Variants in MTRR observed in about 807,000 individuals in gnomAD.
MTRR encodes the protein 5-methyltetrahydrofolate-homocysteine methyltransferase reductase, also known as methionine synthase reductase.
A neutral mutation model predicts 79.2 loss-of-function variants in MTRR; 63 were observed. That is an observed-to-expected ratio of 0.80 (90% CI 0.65 to 0.98). MTRR has a LOEUF of 0.98. MTRR is among the 50% of genes least tolerant of loss of function. The probability of loss-of-function intolerance (pLI) is 0.00; values close to 1 mark genes in which losing one functional copy is unlikely to be tolerated. For synonymous variants in MTRR, 355 were observed against 313.3 expected, an observed-to-expected ratio of 1.13 and a Z score of -1.41; for missense variants, 895 against 839.6, an observed-to-expected ratio of 1.07 and a Z score of -0.82.
intron 8 of MTRR, among the ~76,000 whole-genome samples, chr5:7,887,555 T>C (rs1442301296): frequency 6.8e-6 from 1 of 147,918 alleles, no homozygotes; most frequent in Non-Finnish European, 1.5e-5. Flanking sequence ...TATATTTATA[T>C]ATATATAGAT....
chr5:7,883,142 T>G lies in MTRR; in HGVS notation c.781-13T>G. 3 of 1,614,166 alleles carry G rather than the reference T, an allele frequency of 1.9e-6. No homozygotes were observed. Among genetic ancestry groups the G allele is most frequent in the Non-Finnish European group, 2.5e-6 (3 of 1,180,012 alleles). On this transcript the variant is annotated splice_polypyrimidine_tract_variant and intron_variant, in intron 5 of 14. Transcript: ENST00000440940. Reference sequence around the variant, plus strand: ...AAAATTGCACTTACGTTTTGTCACATTTGTTTTTCAAGGAGGAAAGCCAAG... The same window carrying G: ...AAAATTGCACTTACGTTTTGTCACAGTTGTTTTTCAAGGAGGAAAGCCAAG...
intron 1 of MTRR, among the ~76,000 whole-genome samples, chr5:7,854,329 GTA>G (rs774221346): frequency 6.6e-6 from 1 of 151,176 alleles, no homozygotes; most frequent in African/African-American, 2.4e-5. Context: ...CTAATAGGAT[GTA>G]TATATATATC....
intron 8 of MTRR, among the ~76,000 whole-genome samples, chr5:7,888,236 G>T (rs564455683): frequency 6.6e-6 from 1 of 152,178 alleles, no homozygotes; most frequent in African/African-American, 2.4e-5. Context: ...ATTTTAAATT[G>T]TAGTAATGTT....
intron 11 of MTRR, among the ~76,000 whole-genome samples, chr5:7,894,509 A>T (rs1738170344): frequency 6.6e-6 from 1 of 152,216 alleles, no homozygotes; most frequent in Admixed American, 6.5e-5. Flanking sequence ...AGAGCCCCAG[A>T]ACGTAGAAAG....
chr5:7,869,500 A>G (rs1407129746), intron 1 of MTRR: 6 of 447,936 alleles, frequency 1.3e-5, no homozygotes, highest in African/African-American at 2.1e-5. Flanking sequence ...CTTTGGTTCT[A>G]GGCGCTTTCC....
intron 7 of MTRR, 34 bp downstream of exon 7, chr5:7,885,888 G>T (rs144287921): frequency 7.0e-4 from 1,123 of 1,613,776 alleles, no homozygotes; most frequent in Non-Finnish European, 8.1e-4. Context: ...TTGGGGTGTT[G>T]TGGGCCAGTG....
At chr5:7,851,023 C>CCGCCACCGTCCAG, upstream of MTRR, 1 of 1,251,848 alleles carries the variant, frequency 8.0e-7, no homozygotes, top group Non-Finnish European at 1.0e-6. Flanking sequence ...GTCCTCCATG[C>CCGCCACCGTCCAG]CGCCACCGTC....
chr5:7,887,313 A>G (rs573176771), intron 8 of MTRR, among the ~76,000 whole-genome samples: 126 of 148,248 alleles, frequency 8.5e-4, no homozygotes, highest in African/African-American at 2.3e-3. Flanking sequence ...TTTTAAAACT[A>G]CTTGTAACTG....
At chr5:7,866,662 GAA>G (rs1443576620), upstream of MTRR, 2 of 1,590,914 alleles carry the variant, frequency 1.3e-6, no homozygotes, top group Admixed American at 1.8e-5. Context: ...GCCGTTGAAG[GAA>G]AAGAGGCTTG....
chr5:7,862,850 C>T lies in MTRR; in HGVS notation n.498+793C>T, dbSNP rs1169455026. ...ATTGTATAACAATAGGGTGTCAACA[C>T]TTTTGGAGCAAAATATAATCTTGCT... On this transcript the variant is annotated intron_variant and non_coding_transcript_variant, in intron 2 of 3. Coordinates refer to the MTRR transcript ENST00000502509. 3 of 1,613,720 alleles carry T rather than the reference C, an allele frequency of 1.9e-6. No homozygotes were observed. In the East Asian group the frequency reaches 6.7e-5, roughly 36 times the overall value.
chr5:7,875,593 T>C (rs1214118743), intron 4 of MTRR, among the ~76,000 whole-genome samples: 1 of 152,266 alleles, frequency 6.6e-6, no homozygotes, highest in East Asian at 1.9e-4. Context: ...CAGTATATGC[T>C]AACGGCAAGA....
At chr5:7,850,919 G>T (rs990634922), upstream of MTRR, 1 of 1,359,822 alleles carries the variant, frequency 7.4e-7, no homozygotes, top group South Asian at 2.4e-5. Flanking sequence ...GGGTCCAGGC[G>T]CCGCGGCGGG....
At chr5:7,857,171 AAAC>A (rs1746270495) in intron 1 of MTRR, among the ~76,000 whole-genome samples, 1 of 152,180 alleles carries the variant, frequency 6.6e-6, no homozygotes, top group South Asian at 2.1e-4. Flanking sequence ...TTACTTTTGA[AAAC>A]AAATATAGAA....
At chr5:7,885,556 T>G in intron 6 of MTRR, 145 bp from the exon 7 acceptor site, 1 of 828,910 alleles carries the variant, frequency 1.2e-6, no homozygotes, top group South Asian at 1.8e-5. Context: ...TTTAAAACAA[T>G]TGTGTGTTTT....
intron 2 of MTRR, chr5:7,872,323 T>C (rs145857161): frequency 0.016 from 6,560 of 399,366 alleles, 66 homozygotes; most frequent in Non-Finnish European, 0.024. Context: ...AAGGAAGTGT[T>C]CTATTTGAAA....
chr5:7,868,371 T>C (rs1157838895), upstream of MTRR, among the ~76,000 whole-genome samples: 1 of 152,088 alleles, frequency 6.6e-6, no homozygotes, highest in East Asian at 1.9e-4. Context: ...GTACTTTTAC[T>C]ATCATTTTAC....
chr5:7,859,409 C>T (rs745770214), intron 1 of MTRR: 13 of 1,418,366 alleles, frequency 9.2e-6, no homozygotes, highest in South Asian at 1.3e-5. Context: ...CAAGTTCTTC[C>T]ATTGTTTGAG....
At chr5:7,896,818 CA>C in intron 12 of MTRR, 45 bp from the exon 13 acceptor site, 1 of 1,474,020 alleles carries the variant, frequency 6.8e-7, no homozygotes, top group Non-Finnish European at 9.5e-7. Context: ...ATTGGTTTTA[CA>C]TATTCTTTAT....
chr5:7,867,118 G>T (rs753494038), upstream of MTRR: 2 of 1,614,094 alleles, frequency 1.2e-6, no homozygotes, highest in Non-Finnish European at 1.7e-6. Context: ...CATGCCTCAC[G>T]ACATATTTGC....
Sources: allele counts gnomAD v4.1 joint callset (sites outside exome capture counted in the v4.1 genomes callset), GRCh38; gene constraint gnomAD v4.1.1; transcripts MANE v1.5; gene names NCBI Gene and HGNC (gene_info 2026-07-23, HGNC 2026-07-21).